Variants in PTCHD4 observed in about 807,000 individuals in gnomAD.
PTCHD4 encodes patched domain containing 4.
Under a neutral mutation model 58.1 loss-of-function variants are expected in PTCHD4, and 33 were observed. The observed-to-expected ratio is 0.57, with a 90% CI of 0.43 to 0.76. PTCHD4 has a LOEUF of 0.76. PTCHD4 is among the 30% of genes least tolerant of loss of function. The probability of loss-of-function intolerance (pLI) is 0.00; values close to 1 mark genes in which losing one functional copy is unlikely to be tolerated. For missense variants in PTCHD4, 1,058 were observed against 1,027.1 expected (o/e 1.03, Z -0.41); for synonymous variants, 478 against 409.6 (o/e 1.17, Z -2.02).
intron 4 of PTCHD4, among the ~76,000 whole-genome samples, chr6:47,969,846 A>C (rs1767436036): frequency 6.6e-6 from 1 of 152,202 alleles, no homozygotes; most frequent in African/African-American, 2.4e-5. Context: ...ACAGCAAATG[A>C]AAATTACAGA....
chr6:47,934,717 C>A (rs1398341233), intron 4 of PTCHD4, among the ~76,000 whole-genome samples: 1 of 151,984 alleles, frequency 6.6e-6, no homozygotes, highest in African/African-American at 2.4e-5. Context: ...AATCACTCCC[C>A]AAAATACCTT....
intron 3 of PTCHD4, among the ~76,000 whole-genome samples, chr6:48,038,201 C>A (rs1433092081): frequency 6.8e-6 from 1 of 146,062 alleles, no homozygotes; most frequent in Non-Finnish European, 1.6e-5. Flanking sequence ...ATCCGTGTCT[C>A]CTGACCGGGG....
intron 3 of PTCHD4, among the ~76,000 whole-genome samples, chr6:48,042,671 G>C (rs1056574000): frequency 6.6e-6 from 1 of 151,736 alleles, no homozygotes; most frequent in Admixed American, 6.6e-5. Context: ...TTGACCAATA[G>C]TTTGGTCAAC....
chr6:47,990,274 C>T (rs922915569), intron 4 of PTCHD4, among the ~76,000 whole-genome samples: 2 of 152,092 alleles, frequency 1.3e-5, no homozygotes, highest in African/African-American at 4.8e-5. Context: ...GGACTATGGA[C>T]TTTTGGGTGA....
chr6:47,886,632 G>GAATGAAT (rs1240744644), intron 4 of PTCHD4, among the ~76,000 whole-genome samples: 1 of 152,038 alleles, frequency 6.6e-6, no homozygotes, highest in Non-Finnish European at 1.5e-5. Flanking sequence ...CCAACTAAAT[G>GAATGAAT]AATGAATAAT....
intron 1 of PTCHD4, among the ~76,000 whole-genome samples, chr6:48,095,633 G>A (rs1765452738): frequency 6.6e-6 from 1 of 151,488 alleles, no homozygotes; most frequent in Non-Finnish European, 1.5e-5. Context: ...AGCTTGCACT[G>A]AGCCAAGATT....
chr6:47,983,586 A>T (rs1289091753), intron 4 of PTCHD4, among the ~76,000 whole-genome samples: 1 of 152,208 alleles, frequency 6.6e-6, no homozygotes, highest in African/African-American at 2.4e-5. Context: ...CAACCATATG[A>T]CAAAACTCAG....
At chr6:47,967,487 C>A (rs374769756) in intron 4 of PTCHD4, among the ~76,000 whole-genome samples, 7 of 152,294 alleles carry the variant, frequency 4.6e-5, no homozygotes. Context: ...GCCCTTAACA[C>A]GAGTCAGCCC....
chr6:48,067,500 C>T (rs541785502), intron 3 of PTCHD4, among the ~76,000 whole-genome samples: 6 of 152,250 alleles, frequency 3.9e-5, no homozygotes, highest in Admixed American at 3.9e-4. Context: ...ATTCCTGCTT[C>T]GTTTGCTATG....
intron 4 of PTCHD4, among the ~76,000 whole-genome samples, chr6:47,960,980 A>G (rs888233984): frequency 7.3e-5 from 11 of 150,906 alleles, no homozygotes; most frequent in African/African-American, 1.9e-4. Flanking sequence ...AAAAAAAAAA[A>G]AGAGACAGTG....
chr6:48,069,006 T>A lies in PTCHD4; in HGVS notation c.-49A>T, dbSNP rs909681650. ...CCTTCATCTCGGTGCTGCAGTCCCC[T>A]GGCCTCCCTCGCTGGAGGTGGTTCC... On this transcript the variant is annotated 5_prime_UTR_variant, in exon 2 of 5. Transcript: ENST00000339488. Among the ~76,000 whole-genome samples the A allele has an allele frequency of 1.3e-5, 2 of 150,124 alleles. No homozygotes were observed. The highest frequency in any genetic ancestry group is 4.9e-5 in the African/African-American group (2 of 40,698).
Position 47,877,848 on chromosome 6 carries a change from T to C in PTCHD4, c.*455A>G, listed in dbSNP as rs1763888221. On this transcript the variant is annotated 3_prime_UTR_variant, in exon 5 of 5. Transcript: ENST00000339488. Reference sequence around the variant, plus strand: ...CCTTTGGTTTAGACAGTATTAAATATGTACTTCCCAAGTGCATAGGTTTCC... The same window carrying C: ...CCTTTGGTTTAGACAGTATTAAATACGTACTTCCCAAGTGCATAGGTTTCC... Among the ~76,000 whole-genome samples the C allele has an allele frequency of 6.6e-6, 1 of 152,054 alleles. No homozygotes were observed. The highest frequency in any genetic ancestry group is 2.1e-4 in the South Asian group (1 of 4,830).
At chr6:48,037,153 C>G (rs754496428) in intron 3 of PTCHD4, among the ~76,000 whole-genome samples, 1 of 151,946 alleles carries the variant, frequency 6.6e-6, no homozygotes, top group East Asian at 1.9e-4. Context: ...CACGTCATGA[C>G]TAGAGAGTGA....
chr6:47,981,275 T>C (rs924673487), intron 4 of PTCHD4, among the ~76,000 whole-genome samples: 1 of 152,164 alleles, frequency 6.6e-6, no homozygotes, highest in Non-Finnish European at 1.5e-5. Flanking sequence ...CTCAAGTCTC[T>C]CCTGCATGTT....
chr6:47,885,828 C>CT (rs1044794539), intron 4 of PTCHD4, among the ~76,000 whole-genome samples: 3 of 151,432 alleles, frequency 2.0e-5, no homozygotes, highest in Admixed American at 6.6e-5. Flanking sequence ...TTTCTTTTTT[C>CT]TTTTTTTTGA....
rs561024619 is a variant in PTCHD4 at position 48,023,317 on chromosome 6, G to C, written c.418-14203C>G. On this transcript the variant is annotated intron_variant, in intron 3 of 4. Coordinates refer to ENST00000339488, the MANE Select transcript of PTCHD4 (RefSeq NM_001384253.1). ...GTGGTAGTAAGTTACAATGAGCAAA[G>C]AAAATATGACCGGATAACCCCAAAA... Among the ~76,000 whole-genome samples, 36 of 152,218 alleles carry C rather than the reference G, an allele frequency of 2.4e-4. No homozygotes were observed. The South Asian group carries it at 7.1e-3, about 30-fold the overall frequency.
At chr6:47,910,277 T>A (rs574918145) in intron 4 of PTCHD4, among the ~76,000 whole-genome samples, 1 of 152,272 alleles carries the variant, frequency 6.6e-6, no homozygotes, top group African/African-American at 2.4e-5. Flanking sequence ...AGTCAAGACG[T>A]CCATTGCCAT....
intron 3 of PTCHD4, among the ~76,000 whole-genome samples, chr6:48,029,966 A>G (rs1393704507): frequency 4.6e-5 from 7 of 152,118 alleles, no homozygotes; most frequent in African/African-American, 1.7e-4. Flanking sequence ...GGCCCAGGAA[A>G]GTCAGAACAT....
At chr6:48,060,552 C>A (rs909917253) in intron 3 of PTCHD4, among the ~76,000 whole-genome samples, 1 of 152,218 alleles carries the variant, frequency 6.6e-6, no homozygotes, top group Non-Finnish European at 1.5e-5. Context: ...TGGCTCACTG[C>A]AACCTCAGCC....
Sources: gnomAD v4.1 joint callset for allele counts (sites outside exome capture counted in the v4.1 genomes callset) on GRCh38, gnomAD v4.1.1 for gene constraint, MANE v1.5 for transcripts, NCBI Gene and HGNC (gene_info 2026-07-23, HGNC 2026-07-21) for gene names.